The following PDGFC variants were observed in gnomAD, a reference collection of about 807,000 sequenced individuals.
PDGFC encodes platelet derived growth factor C.
In PDGFC, 12 loss-of-function variants were observed where a neutral mutation model predicts 35.5. The ratio of observed to expected loss-of-function variants is 0.34; its 90% CI spans 0.22 to 0.55. PDGFC has a LOEUF of 0.55. Among genes scored for constraint, PDGFC ranks in the 20% least tolerant of loss-of-function variants. The pLI, the probability that PDGFC is intolerant of heterozygous loss-of-function variation, is 0.91. For missense variants in PDGFC, 322 were observed against 412.4 expected (o/e 0.78, Z 1.90); for synonymous variants, 159 against 148.8 (o/e 1.07, Z -0.50).
chr4:156,839,616 C>T (rs535107559), intron 2 of PDGFC, among the ~76,000 whole-genome samples: 3 of 152,192 alleles, frequency 2.0e-5, no homozygotes, highest in Middle Eastern at 3.4e-3. Flanking sequence ...GAACCAATTT[C>T]GGAACTGGGT....
intron 1 of PDGFC, among the ~76,000 whole-genome samples, chr4:156,928,266 AT>A (rs989842678): frequency 6.6e-6 from 1 of 152,012 alleles, no homozygotes; most frequent in Non-Finnish European, 1.5e-5. Flanking sequence ...CGTCTATGTG[AT>A]TTTTTTAAGA....
chr4:156,838,646 T>C (rs1369270912), intron 2 of PDGFC, among the ~76,000 whole-genome samples: 1 of 152,238 alleles, frequency 6.6e-6, no homozygotes, highest in Non-Finnish European at 1.5e-5. Flanking sequence ...GGCATCATTT[T>C]AGATACTAAA....
At chr4:156,828,424 G>T (rs1025859459) in intron 2 of PDGFC, among the ~76,000 whole-genome samples, 1 of 152,096 alleles carries the variant, frequency 6.6e-6, no homozygotes. Flanking sequence ...AGTGGCAGAG[G>T]TTTTAATTAT....
intron 1 of PDGFC, among the ~76,000 whole-genome samples, chr4:156,912,590 C>T (rs566511558): frequency 6.6e-6 from 1 of 152,132 alleles, no homozygotes; most frequent in African/African-American, 2.4e-5. Context: ...CAAAAGTATT[C>T]CTAAGTTCTG....
At chr4:156,878,631 T>C (rs1730171183) in intron 1 of PDGFC, among the ~76,000 whole-genome samples, 1 of 152,118 alleles carries the variant, frequency 6.6e-6, no homozygotes. Context: ...GCATTCCTAA[T>C]CAGAAAATGC....
chr4:156,830,586 T>G (rs1366686506), intron 2 of PDGFC, among the ~76,000 whole-genome samples: 1 of 152,156 alleles, frequency 6.6e-6, no homozygotes, highest in Non-Finnish European at 1.5e-5. Flanking sequence ...ATGATCACAT[T>G]TTTTGGTACA....
intron 1 of PDGFC, among the ~76,000 whole-genome samples, chr4:156,899,901 T>C (rs1730725210): frequency 6.6e-6 from 1 of 152,190 alleles, no homozygotes; most frequent in South Asian, 2.1e-4. Flanking sequence ...TCAGTCCTTA[T>C]TTTAGTAGAC....
intron 1 of PDGFC, among the ~76,000 whole-genome samples, chr4:156,897,586 T>C (rs1000019028): frequency 1.5e-4 from 23 of 152,114 alleles, no homozygotes; most frequent in Admixed American, 4.6e-4. Context: ...ACATTAAAAA[T>C]GAATTGAAGT....
chr4:156,842,365 T>A (rs1461917801), intron 2 of PDGFC: 10 of 149,234 alleles, frequency 6.7e-5, no homozygotes, highest in African/African-American at 2.6e-4. Context: ...TATTAATCCA[T>A]CAAGCAGAAA....
At position 156,870,910 on chromosome 4, in the gene PDGFC, G is replaced by A. The variant is rs549282375; in HGVS notation, c.119-20494C>T. ...AAAGCGATTGGAAAGTTTCATTAAAGAAGCTGCACAAAGGAAAACTTAAAG... is the reference window on the plus strand; with the variant it reads ...AAAGCGATTGGAAAGTTTCATTAAAAAAGCTGCACAAAGGAAAACTTAAAG... On this transcript the variant is annotated intron_variant, in intron 1 of 5. Transcript: ENST00000502773. Among the ~76,000 whole-genome samples the A allele has an allele frequency of 4.0e-3, 602 of 152,210 alleles. 1 individual carries two copies. Among genetic ancestry groups the A allele is most frequent in the African/African-American group, 0.014 (579 of 41,546 alleles).
intron 3 of PDGFC, among the ~76,000 whole-genome samples, chr4:156,786,819 C>A (rs1224366868): frequency 6.6e-6 from 1 of 152,122 alleles, no homozygotes; most frequent in African/African-American, 2.4e-5. Context: ...TTCACTTTGG[C>A]AACTGTAGTT....
intron 1 of PDGFC, among the ~76,000 whole-genome samples, chr4:156,925,878 C>G (rs1401340623): frequency 6.6e-6 from 1 of 151,280 alleles, no homozygotes; most frequent in Non-Finnish European, 1.5e-5. Flanking sequence ...GGGTGAAACC[C>G]CGTCTCTACA....
chr4:156,924,150 C>G (rs2110852216), intron 1 of PDGFC, among the ~76,000 whole-genome samples: 1 of 152,258 alleles, frequency 6.6e-6, no homozygotes, highest in South Asian at 2.1e-4. Flanking sequence ...GAATAGCTAA[C>G]AATTTTTGCT....
At chr4:156,799,020 G>C (rs999313511) in intron 3 of PDGFC, among the ~76,000 whole-genome samples, 1 of 152,204 alleles carries the variant, frequency 6.6e-6, no homozygotes, top group Admixed American at 6.5e-5. Context: ...TAGAGTCTTA[G>C]ATAATTGCTA....
chr4:156,794,083 C>G (rs1192256259), intron 3 of PDGFC, among the ~76,000 whole-genome samples: 2 of 152,110 alleles, frequency 1.3e-5, no homozygotes, highest in Admixed American at 1.3e-4. Flanking sequence ...GCACCTTTGA[C>G]TGCGCACTAT....
chr4:156,934,135 T>C (rs1272539358), intron 1 of PDGFC, among the ~76,000 whole-genome samples: 1 of 152,212 alleles, frequency 6.6e-6, no homozygotes, highest in Non-Finnish European at 1.5e-5. Flanking sequence ...AACTGGGATA[T>C]ATTCTGAGAA....
At chr4:156,948,026 C>T (rs187588367) in intron 1 of PDGFC, among the ~76,000 whole-genome samples, 163 of 151,856 alleles carry the variant, frequency 1.1e-3, no homozygotes, top group Non-Finnish European at 1.9e-3. Context: ...GGATGGTGTG[C>T]CATAGAATGC....
At chr4:156,927,354 G>T (rs886277074) in intron 1 of PDGFC, among the ~76,000 whole-genome samples, 4 of 152,168 alleles carry the variant, frequency 2.6e-5, no homozygotes, top group African/African-American at 9.7e-5. Flanking sequence ...TCTGTAGTCA[G>T]CTTGAATTCC....
chr4:156,907,531 G>C (rs1039379991), intron 1 of PDGFC, among the ~76,000 whole-genome samples: 2 of 152,144 alleles, frequency 1.3e-5, no homozygotes, highest in Admixed American at 6.5e-5. Flanking sequence ...TCAATGTCTA[G>C]AGACATTGAG....
Sources: gnomAD v4.1 joint callset for allele counts (sites outside exome capture counted in the v4.1 genomes callset) on GRCh38, gnomAD v4.1.1 for gene constraint, MANE v1.5 for transcripts, NCBI Gene and HGNC (gene_info 2026-07-23, HGNC 2026-07-21) for gene names.